ZBED4: variants seen among roughly 807,000 people sequenced by gnomAD.
ZBED4 encodes the protein zinc finger BED-type containing 4, also known as zinc finger BED domain-containing protein 4.
Under a neutral mutation model 15.5 loss-of-function variants are expected in ZBED4, and 4 were observed. That is an observed-to-expected ratio of 0.26 (90% CI 0.13 to 0.59). The LOEUF (loss-of-function observed/expected upper bound fraction) is 0.59. Among genes scored for constraint, ZBED4 ranks in the 20% least tolerant of loss-of-function variants. The pLI is 0.90. For synonymous variants in ZBED4, 692 were observed against 608.5 expected, an observed-to-expected ratio of 1.14 and a Z score of -2.02; for missense variants, 1,323 against 1,461.8, an observed-to-expected ratio of 0.91 and a Z score of 1.55.
Position 49,887,484 on chromosome 22 carries a change from C to T in ZBED4, c.*306C>T, listed in dbSNP as rs912077395. 1.1e-5 allele frequency: 3 copies of T among 263,328 alleles called. No homozygotes were observed. Among genetic ancestry groups the T allele is most frequent in the African/African-American group, 2.2e-5 (1 of 45,242 alleles). The allele number at this position is 263,328 out of a possible 1,614,324, so 16.3% of individuals were successfully genotyped here. ...AGTTTTGGGTTAGTAATTTGTTTTA[C>T]TAGAATGACAAAGAAGATGTAAACC... On this transcript the variant is annotated 3_prime_UTR_variant, in exon 2 of 2. Transcript: ENST00000216268.
intron 1 of ZBED4, among the ~76,000 whole-genome samples, chr22:49,878,841 T>TA (rs943898193): frequency 5.3e-5 from 8 of 151,302 alleles, no homozygotes; most frequent in Non-Finnish European, 1.0e-4. Flanking sequence ...CTACTAAAAA[T>TA]AAAAAAAATG....
intron 1 of ZBED4, among the ~76,000 whole-genome samples, chr22:49,862,379 C>T (rs536581216): frequency 2.6e-5 from 4 of 152,384 alleles, no homozygotes; most frequent in South Asian, 2.1e-4. Flanking sequence ...GCTGGGACTA[C>T]GGGCGTAAGC....
chr22:49,871,227 A>G (rs1304313412), intron 1 of ZBED4, among the ~76,000 whole-genome samples: 1 of 136,598 alleles, frequency 7.3e-6, no homozygotes, highest in African/African-American at 2.8e-5. Flanking sequence ...CTCTTTTAAA[A>G]GTTAATTCAT....
intron 1 of ZBED4, among the ~76,000 whole-genome samples, chr22:49,872,592 C>G (rs977313322): frequency 6.6e-6 from 1 of 152,170 alleles, no homozygotes; most frequent in Non-Finnish European, 1.5e-5. Context: ...TGCAGTGTCA[C>G]GATCACAGCT....
intron 1 of ZBED4, among the ~76,000 whole-genome samples, chr22:49,864,923 T>C (rs1374481432): frequency 1.6e-5 from 2 of 121,904 alleles, no homozygotes; most frequent in Non-Finnish European, 3.2e-5. Flanking sequence ...GACCATGGGG[T>C]TCTATCCCAG....
chr22:49,873,681 CGGTGATATGA>C (rs201279238), intron 1 of ZBED4, among the ~76,000 whole-genome samples: 1,479 of 141,406 alleles, frequency 0.01, 16 homozygotes, highest in South Asian at 0.068. Flanking sequence ...AAGCGAGGTG[CGGTGATATGA>C]GGTGATATGA....
At position 49,886,401 on chromosome 22, in the gene ZBED4, C is replaced by T. The variant is rs752866917; in HGVS notation, c.2739C>T (p.Ser913=). 90 of 1,605,930 alleles carry T rather than the reference C, an allele frequency of 5.6e-5. No individual in the cohort carries two copies. In the South Asian group the frequency reaches 7.2e-4, roughly 13 times the overall value. The change falls in exon 2 of 2, where the codon TCC becomes TCT. Residue 913 remains serine, a synonymous_variant. Transcript: ENST00000216268. This position sits in a 1 kb window ranked among gnomAD's most constrained non-coding sequence, Gnocchi z 7.7. ...IEQKRAINEM[S]VECNFRELIS... Reference sequence around the variant, plus strand: ...AGAAAAGGGCCATTAACGAGATGTCCGTCGAGTGTAACTTCCGAGAGCTGA... The same window carrying T: ...AGAAAAGGGCCATTAACGAGATGTCTGTCGAGTGTAACTTCCGAGAGCTGA...
At chr22:49,865,398 C>G (rs909761896) in intron 1 of ZBED4, among the ~76,000 whole-genome samples, 3 of 152,030 alleles carry the variant, frequency 2.0e-5, no homozygotes, top group Non-Finnish European at 4.4e-5. Flanking sequence ...GCCTCTAATC[C>G]CAGCACTTCG....
intron 1 of ZBED4, among the ~76,000 whole-genome samples, chr22:49,869,731 A>T (rs2060338232): frequency 6.6e-6 from 1 of 152,206 alleles, no homozygotes. Context: ...ACGCATCCCC[A>T]GCTTCAGAAT....
chr22:49,880,406 C>G (rs1054742226), intron 1 of ZBED4, among the ~76,000 whole-genome samples: 2 of 152,190 alleles, frequency 1.3e-5, no homozygotes, highest in East Asian at 3.8e-4. Context: ...CTCCCGCGCT[C>G]GGGACATGCT....
intron 1 of ZBED4, among the ~76,000 whole-genome samples, chr22:49,856,526 C>T (rs980644467): frequency 1.3e-5 from 2 of 152,226 alleles, no homozygotes; most frequent in African/African-American, 2.4e-5. Flanking sequence ...CATCCCAGTG[C>T]GTACCTCCTG....
At position 49,883,553 on chromosome 22, in the gene ZBED4, G is replaced by A. The variant is rs1027827077; in HGVS notation, c.-110G>A. 9 of 1,383,704 alleles carry A rather than the reference G, an allele frequency of 6.5e-6. No homozygotes were observed. The African/African-American group carries it at 1.2e-4, about 18-fold the overall frequency. 85.7% of individuals were successfully genotyped at this position (1,383,704 alleles called of 1,614,324 possible). On this transcript the variant is annotated 5_prime_UTR_variant, in exon 2 of 2. Coordinates refer to ENST00000216268, the MANE Select transcript of ZBED4 (RefSeq NM_014838.3). ...CCATATTTCTAGAAACATCCTGAAA[G>A]ATGGAATTATGACGAAAAAGTGAAG...
rs781388058 is a variant in ZBED4, at chr22:49,884,825, C to G, written c.1163C>G (p.Ser388Cys). Residue 388 changes from serine to cysteine, a missense_variant, in exon 2 of 2, where the codon TCC (serine) becomes TGC (cysteine). Transcript: ENST00000216268. ...GTCAGAGAGTCCCCTTCGGCCTCCT[C>G]CTCCCCTGACAGGCTGACTGAGGAC... ...KPVRESPSAS[S>C]SPDRLTEDLQ... The G allele has an allele frequency of 1.2e-6, 2 of 1,610,650 alleles. No individual in the cohort carries two copies. Among genetic ancestry groups the G allele is most frequent in the Non-Finnish European group, 1.7e-6 (2 of 1,177,438 alleles).
At chr22:49,870,291 G>A (rs1179762424) in intron 1 of ZBED4, among the ~76,000 whole-genome samples, 1 of 152,190 alleles carries the variant, frequency 6.6e-6, no homozygotes, top group African/African-American at 2.4e-5. Context: ...GAACATACAT[G>A]TGTACATGGG....
In ZBED4 at chr22:49,886,435, G is replaced by C; in HGVS notation, c.2773G>C (p.Asp925His). Residue 925 changes from aspartate (D) to histidine (H), a missense_variant, in exon 2 of 2, where the codon GAC becomes CAC. Asp to His is a moderately conservative substitution (Grantham distance 81). This residue lies in a region of ZBED4 where 312 missense variants were observed against 410.7 expected (regional missense o/e 0.76). Coordinates refer to ENST00000216268, the MANE Select transcript of ZBED4 (RefSeq NM_014838.3). This position sits in a 1 kb window ranked among gnomAD's most constrained non-coding sequence, Gnocchi z 7.7. ...TAACTTCCGAGAGCTGATCAGCTGC[G>C]ACCAGTGGGAGGTCATGCAGTCCGT... is the stretch of plus-strand genomic sequence containing the variant. ...ECNFRELISC[D>H]QWEVMQSVCR... 1 of 1,583,826 alleles carries C rather than the reference G, an allele frequency of 6.3e-7. No homozygotes were observed. Among genetic ancestry groups the C allele is most frequent in the East Asian group, 2.2e-5 (1 of 44,458 alleles).
Position 49,886,219 on chromosome 22 carries a change from G to A in ZBED4, c.2557G>A (p.Ala853Thr), listed in dbSNP as rs753510939. Reference sequence around the variant, plus strand: ...GATGGTGCAGAACCTGCTGAGCCTCGCCCGGAAGATCTGCGAGCGGGTGCA... The same window carrying A: ...GATGGTGCAGAACCTGCTGAGCCTCACCCGGAAGATCTGCGAGCGGGTGCA... ...QRMVQNLLSL[A>T]RKICERVHRS... The change falls in exon 2 of 2, where the codon GCC becomes ACC. Residue 853 changes from alanine to threonine, a missense_variant. Transcript: ENST00000216268. This position sits in a 1 kb window ranked among gnomAD's most constrained non-coding sequence, Gnocchi z 7.7. 1.5e-5 allele frequency: 13 copies of A among 850,602 alleles called. No individual in the cohort carries two copies. The highest frequency in any genetic ancestry group is 2.5e-5 in the Non-Finnish European group (13 of 516,386). The allele number at this position is 850,602 out of a possible 1,614,324, so 52.7% of individuals were successfully genotyped here.
intron 1 of ZBED4, among the ~76,000 whole-genome samples, chr22:49,867,363 GGCGGCGGTGGGA>G: frequency 6.6e-6 from 1 of 152,346 alleles, no homozygotes; most frequent in East Asian, 1.9e-4. Flanking sequence ...GCGTGTGCCA[GGCGGCGGTGGGA>G]GCGGCGGTTG....
chr22:49,857,241 G>C (rs564983062), intron 1 of ZBED4, among the ~76,000 whole-genome samples: 1 of 152,346 alleles, frequency 6.6e-6, no homozygotes, highest in African/African-American at 2.4e-5. Context: ...GTAAGTGAGA[G>C]ACTCCCCAGC....
At chr22:49,861,408 G>A (rs976959296) in intron 1 of ZBED4, among the ~76,000 whole-genome samples, 1 of 152,076 alleles carries the variant, frequency 6.6e-6, no homozygotes, top group African/African-American at 2.4e-5. Flanking sequence ...TCTCAAAGTG[G>A]TGGGATTACA....
Sources: gnomAD v4.1 joint callset for allele counts (sites outside exome capture counted in the v4.1 genomes callset) on GRCh38, gnomAD v4.1.1 for gene constraint, gnomAD v4.1.1 regional missense constraint, Gnocchi (gnomAD v3.1) non-coding constraint, MANE v1.5 for transcripts, NCBI Gene and HGNC (gene_info 2026-07-23, HGNC 2026-07-21) for gene names.